Variants in MYO9A observed in about 807,000 individuals in gnomAD.
MYO9A encodes the protein myosin IXA, also known as unconventional myosin-IXa.
In MYO9A, 103 loss-of-function variants were observed where a neutral mutation model predicts 293.3. That is an observed-to-expected ratio of 0.35 (90% confidence interval 0.30 to 0.41). MYO9A has a LOEUF of 0.41. Among genes scored for constraint, MYO9A ranks in the 10% least tolerant of loss-of-function variants. MYO9A has a pLI of 1.00. For missense variants in MYO9A, 2,685 were observed against 3,033.0 expected (o/e 0.89, Z 2.69); for synonymous variants, 1,001 against 1,035.7 (o/e 0.97, Z 0.64).
chr15:72,085,953 G>A (rs2079708504), intron 1 of MYO9A, among the ~76,000 whole-genome samples: 1 of 152,176 alleles, frequency 6.6e-6, no homozygotes, highest in Non-Finnish European at 1.5e-5. Context: ...TGGGGGACTG[G>A]TATTGGGACC....
At chr15:71,902,905 C>A in intron 22 of MYO9A, 36 bp downstream of exon 22, 2 of 1,420,112 alleles carry the variant, frequency 1.4e-6, no homozygotes, top group Non-Finnish European at 1.9e-6. Flanking sequence ...AATAAATGCA[C>A]TCAATTTTGA....
chr15:71,826,874 A>AAAT lies in MYO9A; in HGVS notation c.7350_7352dup (p.Leu2450dup), dbSNP rs1320682278. ...AGAATGGAGATTTGGAATAAATCTG[A>AAAT]AATAGTTTTCTGGTCCCATGAGATG... is the stretch of plus-strand genomic sequence containing the variant. On this transcript the variant is annotated inframe_insertion, in exon 42 of 42. Transcript: ENST00000356056. 39 of 1,614,014 alleles carry AAAT rather than the reference A, an allele frequency of 2.4e-5. No homozygotes were observed. The highest frequency in any genetic ancestry group is 3.3e-5 in the Non-Finnish European group (39 of 1,180,014).
At chr15:72,113,988 A>G (rs2080875572) in intron 1 of MYO9A, among the ~76,000 whole-genome samples, 1 of 152,154 alleles carries the variant, frequency 6.6e-6, no homozygotes, top group Non-Finnish European at 1.5e-5. Flanking sequence ...TAATAAATGG[A>G]AGCTATGACA....
intron 34 of MYO9A, 141 bp from the exon 35 acceptor site, chr15:71,854,710 TG>T: frequency 1.7e-6 from 1 of 585,792 alleles, no homozygotes. Flanking sequence ...AAGGGAATTA[TG>T]TTTAAGTAAG....
chr15:71,854,431 G>A lies in MYO9A; in HGVS notation c.6292C>T (p.Arg2098Ter), dbSNP rs866994109. 1 of 1,608,162 alleles carries A rather than the reference G, an allele frequency of 6.2e-7. No individual in the cohort carries two copies. Among genetic ancestry groups the A allele is most frequent in the Non-Finnish European group, 8.5e-7 (1 of 1,177,634 alleles). ...MHGLYTEGIY[R>*]KSGSTNKIKE... ...ATTTTATTAGTCGAACCAGACTTTCGATAAATACCTTCTGTATACAGTCCA... is the reference window on the plus strand; with the variant it reads ...ATTTTATTAGTCGAACCAGACTTTCAATAAATACCTTCTGTATACAGTCCA... The change falls in exon 35 of 42, where the codon CGA becomes TGA. Residue 2098 changes from arginine (R) to a stop codon, truncating the protein, a stop_gained. Transcript: ENST00000356056. LOFTEE classifies it high-confidence loss of function.
chr15:72,086,602 G>C (rs966080567), intron 1 of MYO9A, among the ~76,000 whole-genome samples: 2 of 150,860 alleles, frequency 1.3e-5, no homozygotes, highest in Non-Finnish European at 3.0e-5. Context: ...GGGAAAGCAA[G>C]ATCTGCCTGT....
Position 71,852,167 on chromosome 15 carries a change from G to A in MYO9A, c.6440C>T (p.Thr2147Ile). Residue 2147 changes from threonine (T) to isoleucine (I), a missense_variant, in exon 36 of 42, where the codon ACC becomes ATC. Transcript: ENST00000356056. ...AAGAAATTCCTCATAGAGTTCAAAG[G>A]TCATGAGAGGATTGGGCAAATCTCG... ...WLRDLPNPLMTFELYEEFLRA... is the reference protein window; with the variant it reads ...WLRDLPNPLMIFELYEEFLRA... 1 of 1,613,802 alleles carries A rather than the reference G, an allele frequency of 6.2e-7. No individual in the cohort carries two copies. The highest frequency in any genetic ancestry group is 8.5e-7 in the Non-Finnish European group (1 of 1,179,814).
intron 6 of MYO9A, among the ~76,000 whole-genome samples, chr15:72,012,303 A>AT (rs1218357771): frequency 5.3e-5 from 8 of 151,474 alleles, no homozygotes; most frequent in Admixed American, 2.6e-4. Flanking sequence ...CATTAAAATA[A>AT]TTTTTTTTTG....
At chr15:72,025,563 T>A (rs2077639578) in intron 4 of MYO9A, among the ~76,000 whole-genome samples, 1 of 152,112 alleles carries the variant, frequency 6.6e-6, no homozygotes, top group African/African-American at 2.4e-5. Flanking sequence ...TTAGCCAGGC[T>A]GGTCTAAAAC....
intron 14 of MYO9A, chr15:71,958,588 AG>A (rs2146925847): frequency 6.6e-6 from 1 of 152,248 alleles, no homozygotes; most frequent in African/African-American, 2.4e-5. Context: ...TTCTTAACCT[AG>A]GTGGTAGTTC....
chr15:71,912,768 C>A (rs577124129), intron 19 of MYO9A, among the ~76,000 whole-genome samples: 1 of 152,154 alleles, frequency 6.6e-6, no homozygotes, highest in Non-Finnish European at 1.5e-5. Context: ...GATACATTCA[C>A]CACACATAGA....
In MYO9A at chr15:71,898,246, A is replaced by G. The variant is rs1378661606; in HGVS notation, c.4257T>C (p.Thr1419=). 6.2e-7 allele frequency: 1 copy of G among 1,614,150 alleles called. No individual in the cohort carries two copies. The highest frequency in any genetic ancestry group is 1.1e-5 in the South Asian group (1 of 91,078). ...KDSFISNSLP[T]FFYIPQQDPL... The stretch of plus-strand genomic sequence containing the variant: ...GGTCTTGTTGGGGGATATAAAAAAA[A>G]GTAGGTAGACTATTTGAAATGAAGG... Residue 1419 remains threonine (T), a synonymous_variant, in exon 25 of 42, where the codon ACT becomes ACC. Coordinates refer to ENST00000356056, the MANE Select transcript of MYO9A (RefSeq NM_006901.4).
intron 1 of MYO9A, among the ~76,000 whole-genome samples, chr15:72,060,063 T>C (rs2078836232): frequency 6.6e-6 from 1 of 152,244 alleles, no homozygotes; most frequent in African/African-American, 2.4e-5. Context: ...GTCCAGCCAT[T>C]ATCATCTTCC....
rs1450918804 is a variant in MYO9A at position 71,935,353 on chromosome 15, T to A, written c.2510A>T (p.His837Leu). The change falls in exon 17 of 42, where the codon CAT becomes CTT. Residue 837 changes from histidine (H) to leucine (L), a missense_variant. Transcript: ENST00000356056. ...GATTAGTACTGACGTGAGAATTCCA[T>A]GGGCTCTCTCCAGGAGTTTGCTGCT... Reference protein sequence around the residue: ...STSSKLLERAHGILTRNKNFK... With the variant: ...STSSKLLERALGILTRNKNFK... 1 of 1,613,382 alleles carries A rather than the reference T, an allele frequency of 6.2e-7. No homozygotes were observed. Among genetic ancestry groups the A allele is most frequent in the Non-Finnish European group, 8.5e-7 (1 of 1,179,522 alleles).
At chr15:71,926,595 T>C (rs2058319038) in intron 18 of MYO9A, among the ~76,000 whole-genome samples, 1 of 151,998 alleles carries the variant, frequency 6.6e-6, no homozygotes, top group African/African-American at 2.4e-5. Context: ...TATTTCCAGC[T>C]ACTTGGGAGG....
chr15:71,831,246 T>A (rs2140615396), intron 39 of MYO9A, among the ~76,000 whole-genome samples: 1 of 152,318 alleles, frequency 6.6e-6, no homozygotes, highest in South Asian at 2.1e-4. Context: ...GTGTGGCAAA[T>A]CTAGCCTTGC....
intron 32 of MYO9A, among the ~76,000 whole-genome samples, chr15:71,867,515 T>C (rs1368462001): frequency 6.6e-6 from 1 of 150,792 alleles, no homozygotes; most frequent in African/African-American, 2.4e-5. Context: ...ATCTCTCTAA[T>C]GTACAGAGTT....
intron 3 of MYO9A, among the ~76,000 whole-genome samples, chr15:72,029,789 G>C (rs954914988): frequency 6.6e-6 from 1 of 152,140 alleles, no homozygotes; most frequent in Non-Finnish European, 1.5e-5. Flanking sequence ...GGTGCAATCA[G>C]CTAAGATCTC....
intron 18 of MYO9A, among the ~76,000 whole-genome samples, chr15:71,923,173 CA>C (rs1194513850): frequency 1.3e-5 from 2 of 152,158 alleles, no homozygotes; most frequent in Non-Finnish European, 2.9e-5. Flanking sequence ...TAATGTATCA[CA>C]TTTACCGATT....
Sources: allele counts gnomAD v4.1 joint callset (sites outside exome capture counted in the v4.1 genomes callset), GRCh38; gene constraint gnomAD v4.1.1; transcripts MANE v1.5; gene names NCBI Gene and HGNC (gene_info 2026-07-23, HGNC 2026-07-21).